The following CYP2C8 variants were observed in gnomAD, a reference collection of about 807,000 sequenced individuals.
CYP2C8 encodes the protein cytochrome P450 2C8.
A neutral mutation model predicts 41.3 loss-of-function variants in CYP2C8; 51 were observed. The observed-to-expected ratio is 1.24, with a 90% CI of 0.99 to 1.56. The LOEUF (loss-of-function observed/expected upper bound fraction) is 1.56, where lower values mean the gene tolerates loss of function less well. Among genes scored for constraint, CYP2C8 ranks in the 40% most tolerant of loss-of-function variants. The pLI is 0.00. For synonymous variants in CYP2C8, 218 were observed against 205.8 expected (o/e 1.06, Z -0.51); for missense variants, 651 against 579.9 (o/e 1.12, Z -1.26).
At chr10:95,055,030 A>G (rs1200026459) in intron 5 of CYP2C8, among the ~76,000 whole-genome samples, 1 of 152,168 alleles carries the variant, frequency 6.6e-6, no homozygotes, top group Non-Finnish European at 1.5e-5. Context: ...GAAAGACTTA[A>G]AATTGTTAAG....
intron 7 of CYP2C8, 136 bp downstream of exon 7, chr10:95,042,754 A>G: frequency 2.6e-6 from 2 of 769,172 alleles, no homozygotes. Flanking sequence ...CAAACAAAAT[A>G]GCAGAAAGTC....
chr10:95,064,470 C>A (rs1398029105), intron 4 of CYP2C8, among the ~76,000 whole-genome samples: 2 of 152,174 alleles, frequency 1.3e-5, no homozygotes, highest in Non-Finnish European at 2.9e-5. Context: ...TTACTAAGAC[C>A]ACTAGAAAAG....
Position 95,037,089 on chromosome 10 carries a change from AGGTGATAGCAGATC to A in CYP2C8, c.*25_*38del, listed in dbSNP as rs781391290. On this transcript the variant is annotated 3_prime_UTR_variant, in exon 9 of 9. Coordinates refer to ENST00000371270, the MANE Select transcript of CYP2C8 (RefSeq NM_000770.3). ...ATGTCCTTGATAAAAAAAGAGTTGC[AGGTGATAGCAGATC>A]GGCAGCCAGATGGGCTAGCATTCTT... The A allele has an allele frequency of 9.0e-5, 142 of 1,575,748 alleles. 1 individual carries two copies. The African/African-American group carries it at 1.7e-3, about 19-fold the overall frequency.
At chr10:95,065,118 C>T (rs1227518588) in intron 3 of CYP2C8, among the ~76,000 whole-genome samples, 158 bp from the exon 4 acceptor site, 1 of 152,140 alleles carries the variant, frequency 6.6e-6, no homozygotes, top group African/African-American at 2.4e-5. Flanking sequence ...AAACACATTA[C>T]TTTTACCTTA....
At position 95,037,242 on chromosome 10, in the gene CYP2C8, T is replaced by C. The variant is rs549598593; in HGVS notation, c.1359A>G (p.Leu453=). The change falls in exon 9 of 9, where the codon TTA becomes TTG. Residue 453 remains leucine, a synonymous_variant. Transcript: ENST00000371270. ...CAACAGATTTCAGGTTAAAGTTCTG[T>C]AAAATTGTGGTTAGAAATAAAAATA... ...MELFLFLTTI[L]QNFNLKSVDD... 1 of 1,613,914 alleles carries C rather than the reference T, an allele frequency of 6.2e-7. No individual in the cohort carries two copies. Among genetic ancestry groups the C allele is most frequent in the African/African-American group, 1.3e-5 (1 of 75,062 alleles).
intron 4 of CYP2C8, among the ~76,000 whole-genome samples, chr10:95,059,456 G>T (rs11188162): frequency 0.21 from 32,147 of 151,846 alleles, 3,911 homozygotes; most frequent in Non-Finnish European, 0.29. Context: ...AGAAGTGTCT[G>T]TTCGTATCCT....
Position 95,045,846 on chromosome 10 carries a change from C to T in CYP2C8, c.925G>A (p.Gly309Arg). 6.2e-7 allele frequency: 1 copy of T among 1,613,998 alleles called. No individual in the cohort carries two copies. Among genetic ancestry groups the T allele is most frequent in the Middle Eastern group, 1.6e-4 (1 of 6,062 alleles). ...TETTSTTLRYGLLLLLKHPEV... is the reference protein window; with the variant it reads ...TETTSTTLRYRLLLLLKHPEV... The stretch of plus-strand genomic sequence containing the variant: ...GGGTGCTTCAGCAGGAGCAGGAGTC[C>T]ATATCTCAGAGTGGTGCTTGTTGTC... The change falls in exon 6 of 9, where the codon GGA becomes AGA. Residue 309 changes from glycine (G) to arginine (R), a missense_variant. Gly to Arg is a moderately radical substitution (Grantham distance 125). Transcript: ENST00000371270.
At chr10:95,068,222 C>A (rs1465866083) in intron 1 of CYP2C8, among the ~76,000 whole-genome samples, 1 of 152,118 alleles carries the variant, frequency 6.6e-6, no homozygotes, top group Non-Finnish European at 1.5e-5. Context: ...AGTGTCACCC[C>A]AGGTGATTCT....
chr10:95,045,678 TAGAC>T, intron 6 of CYP2C8, 128 bp downstream of exon 6: 1 of 1,104,606 alleles, frequency 9.1e-7, no homozygotes, highest in Non-Finnish European at 1.4e-6. Context: ...TCATCAAATT[TAGAC>T]AGATTACAGC....
At chr10:95,048,187 C>A (rs2033145179) in intron 5 of CYP2C8, among the ~76,000 whole-genome samples, 1 of 152,200 alleles carries the variant, frequency 6.6e-6, no homozygotes, top group African/African-American at 2.4e-5. Context: ...CCATTGCTCT[C>A]TCTTTAACAG....
intron 7 of CYP2C8, among the ~76,000 whole-genome samples, chr10:95,041,572 G>C (rs1261043564): frequency 6.6e-6 from 1 of 151,668 alleles, no homozygotes; most frequent in Non-Finnish European, 1.5e-5. Flanking sequence ...ATGAGGTCAG[G>C]AGATCGAGAC....
At position 95,069,455 on chromosome 10, in the gene CYP2C8, T is replaced by G; in HGVS notation, c.-53A>C. On this transcript the variant is annotated 5_prime_UTR_variant, in exon 1 of 9. Coordinates refer to ENST00000371270, the MANE Select transcript of CYP2C8 (RefSeq NM_000770.3). ...CTGTGAGCTTGCACTCCAAAGTTTT[T>G]ATAACACTCCCTGCTAATTTAGTGT... 1 of 1,419,142 alleles carries G rather than the reference T, an allele frequency of 7.0e-7. No individual in the cohort carries two copies. The highest frequency in any genetic ancestry group is 1.0e-6 in the Non-Finnish European group (1 of 1,004,888). The allele number at this position is 1,419,142 out of a possible 1,614,324, so 87.9% of individuals were successfully genotyped here.
chr10:95,067,286 C>A lies in CYP2C8; in HGVS notation c.403G>T (p.Gly135Trp). The A allele has an allele frequency of 6.2e-7, 1 of 1,614,188 alleles. No homozygotes were observed. The highest frequency in any genetic ancestry group is 2.2e-5 in the East Asian group (1 of 44,884). The change falls in exon 3 of 9, where the codon GGG becomes TGG. Residue 135 changes from glycine to tryptophan, a missense_variant. Gly to Trp is a radical substitution (Grantham distance 184). Coordinates refer to ENST00000371270, the MANE Select transcript of CYP2C8 (RefSeq NM_000770.3). ...RFSLTTLRNF[G>W]MGKRSIEDRV... ...TCCTCAATGCTCCTCTTCCCCATCC[C>A]AAAATTCCGCAAGGTTGTGAGGGAG...
Position 95,045,965 on chromosome 10 carries a change from C to A in CYP2C8, c.820-14G>T, listed in dbSNP as rs766551415. 2.2e-5 allele frequency: 36 copies of A among 1,613,486 alleles called. No homozygotes were observed. The highest frequency in any genetic ancestry group is 3.4e-6 in the Non-Finnish European group (4 of 1,179,658). ...GTTGTCCTTTTCCTAGAAGTGATTT[C>A]ATGCAATTATCTGACAAATTATGTG... On this transcript the variant is annotated splice_polypyrimidine_tract_variant and intron_variant, in intron 5 of 8. Transcript: ENST00000371270.
At chr10:95,045,292 T>G (rs777404408) in intron 6 of CYP2C8, among the ~76,000 whole-genome samples, 3 of 152,218 alleles carry the variant, frequency 2.0e-5, no homozygotes, top group Non-Finnish European at 2.9e-5. Flanking sequence ...AGGTATGGCC[T>G]CTGCTTAAAT....
chr10:95,066,971 A>C (rs548920677), intron 3 of CYP2C8, among the ~76,000 whole-genome samples: 1 of 152,322 alleles, frequency 6.6e-6, no homozygotes, highest in African/African-American at 2.4e-5. Context: ...AATTGAGCAG[A>C]AAATAGGATT....
At position 95,038,918 on chromosome 10, in the gene CYP2C8, A is replaced by C. The variant is rs745585418; in HGVS notation, c.1270T>G (p.Tyr424Asp). 8.1e-6 allele frequency: 13 copies of C among 1,614,004 alleles called. No individual in the cohort carries two copies. Among genetic ancestry groups the C allele is most frequent in the Non-Finnish European group, 1.0e-5 (12 of 1,179,826 alleles). The change falls in exon 8 of 9, where the codon TAC becomes GAC. Residue 424 changes from tyrosine (Y) to aspartate (D), a missense_variant. By Grantham distance (160) the Tyr-to-Asp change is radical (BLOSUM62 -3). Coordinates refer to ENST00000371270, the MANE Select transcript of CYP2C8 (RefSeq NM_000770.3). Reference sequence around the variant, plus strand: ...TTACCTGCTGAGAAAGGCATGAAGTAGTCACTTTTCTTAAAGTTGCCATTC... The same window carrying C: ...TTACCTGCTGAGAAAGGCATGAAGTCGTCACTTTTCTTAAAGTTGCCATTC... ...DKNGNFKKSD[Y>D]FMPFSAGKRI...
intron 6 of CYP2C8, among the ~76,000 whole-genome samples, chr10:95,045,370 C>A (rs2033086681): frequency 1.3e-5 from 2 of 152,168 alleles, no homozygotes; most frequent in Admixed American, 6.6e-5. Context: ...CAGGATGCCT[C>A]AGTACAATTC....
chr10:95,064,409 G>A (rs942848287), intron 4 of CYP2C8, among the ~76,000 whole-genome samples: 2 of 152,168 alleles, frequency 1.3e-5, no homozygotes, highest in Non-Finnish European at 2.9e-5. Flanking sequence ...AGGCTTCGTG[G>A]GCATGGGACC....
Sources: allele counts gnomAD v4.1 joint callset (sites outside exome capture counted in the v4.1 genomes callset), GRCh38; gene constraint gnomAD v4.1.1; transcripts MANE v1.5; gene names NCBI Gene and HGNC (gene_info 2026-07-23, HGNC 2026-07-21).